RBFOX1: variants seen among roughly 807,000 people sequenced by gnomAD.
RBFOX1 encodes RNA binding fox-1 homolog 1.
RBFOX1 carries 8 observed loss-of-function variants against 57.7 expected under a neutral mutation model. That is an observed-to-expected ratio of 0.14 (90% CI 0.08 to 0.25). The LOEUF (loss-of-function observed/expected upper bound fraction) is 0.25, where lower values mean the gene tolerates loss of function less well. Ranked by LOEUF, RBFOX1 falls within the 10% of genes least tolerant of loss-of-function variation. The probability of loss-of-function intolerance (pLI) is 1.00; values close to 1 mark genes in which losing one functional copy is unlikely to be tolerated. For synonymous variants in RBFOX1, 326 were observed against 222.4 expected (o/e 1.47, Z -4.15); for missense variants, 611 against 548.5 (o/e 1.11, Z -1.14).
rs151177772 is a variant in RBFOX1, at chr16:6,824,983, G to GTTTTTTTTTTTTTTTTTTTTTT, written c.-16+170343_-16+170364dup. 7.6e-4 allele frequency among the ~76,000 whole-genome samples: 28 copies of GTTTTTTTTTTTTTTTTTTTTTT among 36,912 alleles called. 6 individuals carry two copies. Among genetic ancestry groups the GTTTTTTTTTTTTTTTTTTTTTT allele is most frequent in the East Asian group, 1.1e-3 (1 of 934 alleles). The allele number at this position is 36,912 out of a possible 152,430, so 24.2% of individuals were successfully genotyped here. ...GGATTTCTTTTTTCTTTCTTTCTTG[G>GTTTTTTTTTTTTTTTTTTTTTT]TTTTTTTTTTTTTTTTTTTTTTTTT... On this transcript the variant is annotated intron_variant, in intron 3 of 15. Coordinates refer to ENST00000550418, the MANE Select transcript of RBFOX1 (RefSeq NM_018723.4).
intron 2 of RBFOX1, among the ~76,000 whole-genome samples, chr16:6,574,718 C>G (rs1216395584): frequency 1.5e-5 from 2 of 136,238 alleles, no homozygotes; most frequent in African/African-American, 5.4e-5. Context: ...GTGACTACCG[C>G]GCCCGGCCCG....
chr16:6,395,874 T>A (rs2092808823), intron 2 of RBFOX1, among the ~76,000 whole-genome samples: 1 of 151,938 alleles, frequency 6.6e-6, no homozygotes, highest in African/African-American at 2.4e-5. Context: ...ATGAGCAGCC[T>A]GGGCAACACA....
At chr16:5,682,461 C>T (rs1263372703) in intron 3 of RBFOX1, among the ~76,000 whole-genome samples, 7 of 152,156 alleles carry the variant, frequency 4.6e-5, no homozygotes, top group Non-Finnish European at 5.9e-5. Context: ...TACAATTTGA[C>T]AATCGGTCCG....
At chr16:5,728,654 C>T (rs981226415) in intron 3 of RBFOX1, among the ~76,000 whole-genome samples, 6 of 152,166 alleles carry the variant, frequency 3.9e-5, no homozygotes, top group African/African-American at 1.2e-4. Context: ...GGGATGACTC[C>T]GTAGGTCACT....
At chr16:5,873,389 A>G (rs1205328141) in intron 4 of RBFOX1, among the ~76,000 whole-genome samples, 2 of 152,164 alleles carry the variant, frequency 1.3e-5, no homozygotes, top group South Asian at 2.1e-4. Flanking sequence ...GTACTTTCCA[A>G]TGAGCACTCT....
chr16:7,357,146 G>A (rs755757907), intron 4 of RBFOX1, among the ~76,000 whole-genome samples: 10 of 152,012 alleles, frequency 6.6e-5, no homozygotes, highest in Non-Finnish European at 1.5e-4. Context: ...AGGTGCTGGG[G>A]CTAGCATGTA....
chr16:7,167,286 G>A (rs2152431039), intron 4 of RBFOX1, among the ~76,000 whole-genome samples: 1 of 151,954 alleles, frequency 6.6e-6, no homozygotes, highest in African/African-American at 2.4e-5. Context: ...ACACCTGGCT[G>A]AAAATAGGAT....
chr16:7,684,654 C>T (rs4787060), intron 14 of RBFOX1, among the ~76,000 whole-genome samples: 90,102 of 151,702 alleles, frequency 0.59, 27,523 homozygotes, highest in Non-Finnish European at 0.64. Context: ...TTAGATGCTT[C>T]TAACATCCTC....
chr16:6,639,114 T>C (rs1258972389), intron 2 of RBFOX1, among the ~76,000 whole-genome samples: 1 of 152,236 alleles, frequency 6.6e-6, no homozygotes, highest in Non-Finnish European at 1.5e-5. Flanking sequence ...TGGCAGCTCA[T>C]TTCTGGATAC....
chr16:5,548,173 AAATATATATATATATAT>A (rs2045308126), intron 2 of RBFOX1, among the ~76,000 whole-genome samples: 1 of 33,424 alleles, frequency 3.0e-5, no homozygotes, highest in Non-Finnish European at 6.0e-5. Context: ...AAAAAAAAAA[AAATATATATATATATAT>A]ATATATATAT....
chr16:7,450,223 A>G (rs1228846537), intron 4 of RBFOX1, among the ~76,000 whole-genome samples: 1 of 152,012 alleles, frequency 6.6e-6, no homozygotes, highest in Admixed American at 6.6e-5. Context: ...GTGAAACCCC[A>G]TCTGTAATAA....
intron 2 of RBFOX1, among the ~76,000 whole-genome samples, chr16:6,486,490 T>G (rs1597990101): frequency 6.6e-6 from 1 of 152,132 alleles, no homozygotes; most frequent in African/African-American, 2.4e-5. Context: ...TTTTAAAAAC[T>G]TCACGTGTCT....
At chr16:5,360,786 T>G (rs1567386193) in intron 1 of RBFOX1, among the ~76,000 whole-genome samples, 1 of 152,192 alleles carries the variant, frequency 6.6e-6, no homozygotes, top group Non-Finnish European at 1.5e-5. Context: ...TACTGATGGA[T>G]TCAATGAAAT....
intron 3 of RBFOX1, among the ~76,000 whole-genome samples, chr16:5,688,223 A>G (rs2050562862): frequency 6.6e-6 from 1 of 152,214 alleles, no homozygotes; most frequent in African/African-American, 2.4e-5. Context: ...TGCTAAGTAG[A>G]ATTTCATAGA....
intron 6 of RBFOX1, among the ~76,000 whole-genome samples, chr16:7,581,621 C>T (rs1268818110): frequency 6.6e-6 from 1 of 151,984 alleles, no homozygotes; most frequent in East Asian, 1.9e-4. Flanking sequence ...CTGAGTCTCT[C>T]TAGTCTTACA....
At chr16:6,630,816 A>T (rs1023512015) in intron 2 of RBFOX1, among the ~76,000 whole-genome samples, 1 of 152,204 alleles carries the variant, frequency 6.6e-6, no homozygotes, top group Non-Finnish European at 1.5e-5. Flanking sequence ...TACAGGAGTT[A>T]AGAAAGAAAC....
chr16:6,933,245 G>T (rs923893441), intron 3 of RBFOX1, among the ~76,000 whole-genome samples: 4 of 152,064 alleles, frequency 2.6e-5, no homozygotes, highest in African/African-American at 9.7e-5. Flanking sequence ...AGTTGTCTTG[G>T]GTGTATAGCT....
At chr16:6,216,836 G>T (rs1382139847) in intron 1 of RBFOX1, among the ~76,000 whole-genome samples, 1 of 151,490 alleles carries the variant, frequency 6.6e-6, no homozygotes, top group African/African-American at 2.4e-5. Flanking sequence ...AGCTTCACTT[G>T]AATGTTGACT....
intron 2 of RBFOX1, among the ~76,000 whole-genome samples, chr16:6,650,184 C>T (rs889042272): frequency 2.6e-5 from 4 of 152,196 alleles, no homozygotes; most frequent in Non-Finnish European, 5.9e-5. Context: ...GCCTTTTTAA[C>T]AGCAGCTGAT....
Sources: gnomAD v4.1 joint callset for allele counts (sites outside exome capture counted in the v4.1 genomes callset) on GRCh38, gnomAD v4.1.1 for gene constraint, MANE v1.5 for transcripts, NCBI Gene and HGNC (gene_info 2026-07-23, HGNC 2026-07-21) for gene names.